RPH3AL: variants seen among roughly 807,000 people sequenced by gnomAD.
The protein encoded by RPH3AL is rabphilin 3A like (without C2 domains).
A neutral mutation model predicts 43.1 loss-of-function variants in RPH3AL; 38 were observed. That is an observed-to-expected ratio of 0.88 (90% CI 0.68 to 1.15). The LOEUF (loss-of-function observed/expected upper bound fraction) is 1.15. RPH3AL is among the 50% of genes most tolerant of loss of function. The pLI, the probability that RPH3AL is intolerant of heterozygous loss-of-function variation, is 0.00. For missense variants in RPH3AL, 462 were observed against 423.2 expected (o/e 1.09, Z -0.81); for synonymous variants, 189 against 176.3 (o/e 1.07, Z -0.57).
chr17:215,809 G>A lies in RPH3AL; in HGVS notation c.728-7C>T, dbSNP rs1185509158. On this transcript the variant is annotated splice_region_variant and splice_polypyrimidine_tract_variant and intron_variant, in intron 8 of 9. Coordinates refer to ENST00000331302, the MANE Select transcript of RPH3AL (RefSeq NM_006987.4). This position sits in a 1 kb window ranked among gnomAD's most constrained non-coding sequence, Gnocchi z 4.1. The stretch of plus-strand genomic sequence containing the variant: ...GGGGCCTCCACGCTGCCACCTGTGG[G>A]AAATCACGTGTGGGCCCCGTGGATC... 2 of 1,298,168 alleles carry A rather than the reference G, an allele frequency of 1.5e-6. No homozygotes were observed. The highest frequency in any genetic ancestry group is 2.0e-6 in the Non-Finnish European group (2 of 1,019,530). 80.4% of individuals were successfully genotyped at this position (1,298,168 alleles called of 1,614,324 possible).
chr17:333,029 A>T lies in RPH3AL; in HGVS notation c.-37+730T>A, dbSNP rs1567531799. ...AGCCCCAGGCAACTTCCTGAGACAG[A>T]TCGGTAAAAACAACCCCTTCTTCCA... is the stretch of plus-strand genomic sequence containing the variant. On this transcript the variant is annotated intron_variant, in intron 2 of 9. Transcript: ENST00000331302. The surrounding 1 kb of genome is among the most constrained non-coding windows in gnomAD (Gnocchi z 4.5). 2.3e-6 allele frequency: 3 copies of T among 1,289,100 alleles called. No individual in the cohort carries two copies. The highest frequency in any genetic ancestry group is 4.3e-4 in the Middle Eastern group (2 of 4,690). 79.9% of individuals were successfully genotyped at this position (1,289,100 alleles called of 1,614,324 possible). A position where few individuals can be genotyped will look rare whatever the true frequency, so the allele number is the denominator to read the frequency against.
chr17:228,381 C>T (rs865775470), intron 7 of RPH3AL, among the ~76,000 whole-genome samples: 14 of 151,976 alleles, frequency 9.2e-5, no homozygotes, highest in Non-Finnish European at 1.8e-4. Flanking sequence ...GGCTCGCCTG[C>T]GGAGAGGGGG....
Position 319,436 on chromosome 17 carries a change from C to A in RPH3AL, c.335G>T (p.Cys112Phe). Residue 112 changes from cysteine to phenylalanine, a missense_variant, in exon 5 of 10, where the codon TGC becomes TTC. Transcript: ENST00000331302. ...LGFLGSSSVFCKDCRKKVCTK... is the reference protein window; with the variant it reads ...LGFLGSSSVFFKDCRKKVCTK... ...GGGTCTTACCTTCCTGCAGTCTTTG[C>A]AGAACACCGACGAGCTGCCCAGGAA... The A allele has an allele frequency of 6.2e-7, 1 of 1,612,356 alleles. No homozygotes were observed. The highest frequency in any genetic ancestry group is 2.2e-5 in the East Asian group (1 of 44,864).
At chr17:342,775 C>T (rs2045151619) in intron 1 of RPH3AL, among the ~76,000 whole-genome samples, 1 of 152,110 alleles carries the variant, frequency 6.6e-6, no homozygotes, top group Admixed American at 6.5e-5. Context: ...GAAGGTCATC[C>T]ATGACATCCC....
Position 267,600 on chromosome 17 carries a change from C to T in RPH3AL, c.438+14168G>A, listed in dbSNP as rs139539654. On this transcript the variant is annotated intron_variant, in intron 6 of 9. Coordinates refer to ENST00000331302, the MANE Select transcript of RPH3AL (RefSeq NM_006987.4). ...GGCAGGGCTCGAGGGTGGTGCAGAGCGGGCGGCCTGCATCTGGGGACACTT... is the reference window on the plus strand; with the variant it reads ...GGCAGGGCTCGAGGGTGGTGCAGAGTGGGCGGCCTGCATCTGGGGACACTT... Among the ~76,000 whole-genome samples, 372 of 152,310 alleles carry T rather than the reference C, an allele frequency of 2.4e-3. 4 individuals are homozygous for T. The highest frequency in any genetic ancestry group is 8.3e-3 in the African/African-American group (344 of 41,560).
At chr17:301,045 G>T (rs973961546) in intron 5 of RPH3AL, among the ~76,000 whole-genome samples, 1 of 152,266 alleles carries the variant, frequency 6.6e-6, no homozygotes, top group African/African-American at 2.4e-5. Flanking sequence ...GCAAAGGTGG[G>T]ACAGACCAGG....
chr17:214,900 C>T (rs2040758414), intron 9 of RPH3AL: 1 of 152,230 alleles, frequency 6.6e-6, no homozygotes, highest in Non-Finnish European at 1.5e-5. Flanking sequence ...GGAGGACCTC[C>T]AGGAGGCTAG....
At chr17:228,181 G>T (rs569949135) in intron 7 of RPH3AL, among the ~76,000 whole-genome samples, 1 of 152,278 alleles carries the variant, frequency 6.6e-6, no homozygotes, top group African/African-American at 2.4e-5. Flanking sequence ...ACCTCCCAGT[G>T]GTATAACTTT....
At chr17:329,735 A>T (rs940544255) in intron 2 of RPH3AL, among the ~76,000 whole-genome samples, 15 of 152,228 alleles carry the variant, frequency 9.9e-5, no homozygotes. Context: ...AAACAGCTGG[A>T]CCTTCATATC....
chr17:266,438 G>A (rs12940704), intron 6 of RPH3AL, among the ~76,000 whole-genome samples: 36,788 of 152,118 alleles, frequency 0.24, 4,732 homozygotes, highest in South Asian at 0.43. Flanking sequence ...TCCCCATGCT[G>A]CAGGTGGCCG....
chr17:215,600 G>C lies in RPH3AL; in HGVS notation c.876+54C>G, dbSNP rs532919298. ...TCCAGTTTGGGAGGAGTGAGTGAGA[G>C]AGGACACGGCCGCGGGGGCAGGAGA... On this transcript the variant is annotated intron_variant, in intron 9 of 9. Transcript: ENST00000331302. This position sits in a 1 kb window ranked among gnomAD's most constrained non-coding sequence, Gnocchi z 4.1. 10 of 1,247,810 alleles carry C rather than the reference G, an allele frequency of 8.0e-6. No homozygotes were observed. Among genetic ancestry groups the C allele is most frequent in the South Asian group, 3.8e-5 (1 of 26,070 alleles). The allele number at this position is 1,247,810 out of a possible 1,614,324, so 77.3% of individuals were successfully genotyped here.
At chr17:330,964 G>C (rs2044739183) in intron 2 of RPH3AL, 1 of 152,026 alleles carries the variant, frequency 6.6e-6, no homozygotes, top group Admixed American at 6.6e-5. Flanking sequence ...CTGAGCCTCA[G>C]TTTCCCCATC....
chr17:247,372 G>A (rs898799310), intron 6 of RPH3AL, 87 bp from the exon 7 acceptor site: 26 of 1,356,910 alleles, frequency 1.9e-5, no homozygotes, highest in African/African-American at 4.4e-5. Flanking sequence ...GAGGCAGGAC[G>A]CGGAGAGCTA....
intron 9 of RPH3AL, among the ~76,000 whole-genome samples, chr17:214,528 G>A (rs2040746461): frequency 6.6e-6 from 1 of 152,204 alleles, no homozygotes; most frequent in African/African-American, 2.4e-5. Context: ...CACTTTGGGA[G>A]GCCAAGGTGG....
intron 7 of RPH3AL, among the ~76,000 whole-genome samples, chr17:220,688 G>C (rs62059570): frequency 0.18 from 3,716 of 21,226 alleles, 9 homozygotes; most frequent in South Asian, 0.33. Flanking sequence ...CAACAGCTCT[G>C]AGGCCTCCAC....
At chr17:311,362 C>G (rs2043642245) in intron 5 of RPH3AL, among the ~76,000 whole-genome samples, 1 of 152,226 alleles carries the variant, frequency 6.6e-6, no homozygotes, top group Admixed American at 6.5e-5. Flanking sequence ...AGCCCGTTTC[C>G]AGCTTCCGGC....
chr17:331,591 C>G, intron 2 of RPH3AL: 1 of 1,284,642 alleles, frequency 7.8e-7, no homozygotes, highest in South Asian at 1.2e-5. Flanking sequence ...CGAGGAGGCA[C>G]ATTTTAGGAA....
At chr17:314,546 C>A (rs1040181066) in intron 5 of RPH3AL, among the ~76,000 whole-genome samples, 10,015 of 146,578 alleles carry the variant, frequency 0.068, 686 homozygotes, top group African/African-American at 0.17. Flanking sequence ...CTCCATTGAC[C>A]TGTAGTCTCT....
intron 5 of RPH3AL, among the ~76,000 whole-genome samples, chr17:286,479 G>C (rs965784629): frequency 6.6e-6 from 1 of 152,188 alleles, no homozygotes; most frequent in Non-Finnish European, 1.5e-5. Flanking sequence ...GCTACGGAAA[G>C]ACGACACGCT....
Sources: allele counts gnomAD v4.1 joint callset (sites outside exome capture counted in the v4.1 genomes callset), GRCh38; gene constraint gnomAD v4.1.1; non-coding constraint Gnocchi (gnomAD v3.1); transcripts MANE v1.5; gene names NCBI Gene and HGNC (gene_info 2026-07-23, HGNC 2026-07-21).